The following SLMAP variants were observed in gnomAD, a reference collection of about 807,000 sequenced individuals.
SLMAP encodes sarcolemmal membrane-associated protein.
A neutral mutation model predicts 128.8 loss-of-function variants in SLMAP; 44 were observed. The ratio of observed to expected loss-of-function variants is 0.34; its 90% CI spans 0.27 to 0.44. The LOEUF (loss-of-function observed/expected upper bound fraction) is 0.44, where lower values mean the gene tolerates loss of function less well. Among genes scored for constraint, SLMAP ranks in the 20% least tolerant of loss-of-function variants. The probability of loss-of-function intolerance (pLI) is 1.00; values close to 1 mark genes in which losing one functional copy is unlikely to be tolerated. For missense variants in SLMAP, 787 were observed against 985.3 expected, an observed-to-expected ratio of 0.80 and a Z score of 2.69; for synonymous variants, 327 against 348.8, an observed-to-expected ratio of 0.94 and a Z score of 0.70.
chr3:57,913,677 C>G (rs910404733), intron 21 of SLMAP, among the ~76,000 whole-genome samples: 1 of 152,170 alleles, frequency 6.6e-6, no homozygotes, highest in African/African-American at 2.4e-5. Flanking sequence ...ATTTGTAAGG[C>G]TGGGCGTGGT....
chr3:57,843,202 TAGTA>T (rs150202009), intron 4 of SLMAP, among the ~76,000 whole-genome samples: 2,749 of 152,164 alleles, frequency 0.018, 74 homozygotes, highest in African/African-American at 0.063. Context: ...CTTCAGAAGA[TAGTA>T]AGTACTCAAC....
intron 17 of SLMAP, among the ~76,000 whole-genome samples, chr3:57,906,332 T>TTTTTTTTTTTC: frequency 7.3e-6 from 1 of 137,032 alleles, no homozygotes; most frequent in Admixed American, 8.0e-5. Context: ...TTTTTTTTTT[T>TTTTTTTTTTTC]AGAGACACAG....
intron 2 of SLMAP, among the ~76,000 whole-genome samples, chr3:57,761,022 C>T (rs1374863176): frequency 2.0e-5 from 3 of 150,874 alleles, no homozygotes; most frequent in Non-Finnish European, 3.0e-5. Context: ...CCACCGCGCC[C>T]GGCCAGGTTT....
chr3:57,892,135 T>C (rs549642712), intron 15 of SLMAP, among the ~76,000 whole-genome samples: 40 of 152,338 alleles, frequency 2.6e-4, no homozygotes, highest in African/African-American at 9.4e-4. Context: ...GGCAAAGATA[T>C]GCTAATCCTT....
chr3:57,839,527 G>A lies in SLMAP; in HGVS notation c.347-1772G>A, dbSNP rs959796392. The stretch of plus-strand genomic sequence containing the variant: ...ATGGTCTCGGCTCACTGCAACTTTC[G>A]CCTCCCAGGTTCAAGCAGTTCTGCT... On this transcript the variant is annotated intron_variant, in intron 3 of 24. Transcript: ENST00000671191. 2.6e-4 allele frequency among the ~76,000 whole-genome samples: 36 copies of A among 139,030 alleles called. 1 individual carries two copies. Among genetic ancestry groups the A allele is most frequent in the South Asian group, 1.8e-3 (8 of 4,436 alleles). The allele number at this position is 139,030 out of a possible 152,430, so 91.2% of individuals were successfully genotyped here. A position where few individuals can be genotyped will look rare whatever the true frequency, so the allele number is the denominator to read the frequency against.
At chr3:57,881,458 T>A (rs1269199473) in intron 14 of SLMAP, among the ~76,000 whole-genome samples, 2 of 152,154 alleles carry the variant, frequency 1.3e-5, no homozygotes. Context: ...CTAGATTTTT[T>A]ATTTATTATT....
At chr3:57,766,549 T>G (rs1158498807) in intron 2 of SLMAP, among the ~76,000 whole-genome samples, 1 of 152,250 alleles carries the variant, frequency 6.6e-6, no homozygotes, top group Non-Finnish European at 1.5e-5. Flanking sequence ...AGGTACATGC[T>G]TCTCTTACTG....
chr3:57,859,246 G>T (rs533893142), intron 8 of SLMAP, among the ~76,000 whole-genome samples: 3 of 151,184 alleles, frequency 2.0e-5, no homozygotes, highest in African/African-American at 4.9e-5. Context: ...GCTTAAACCC[G>T]GTGGGGGTGG....
intron 13 of SLMAP, among the ~76,000 whole-genome samples, chr3:57,867,240 A>T (rs940619777): frequency 6.6e-6 from 1 of 152,152 alleles, no homozygotes; most frequent in Admixed American, 6.5e-5. Context: ...TATATTAATA[A>T]TGTTAGTATT....
At chr3:57,816,632 G>T (rs79637843) in intron 2 of SLMAP, among the ~76,000 whole-genome samples, 1 of 152,080 alleles carries the variant, frequency 6.6e-6, no homozygotes, top group Non-Finnish European at 1.5e-5. Flanking sequence ...TACTGACAGG[G>T]AATGAAACAT....
intron 17 of SLMAP, among the ~76,000 whole-genome samples, chr3:57,906,616 C>A (rs1173683035): frequency 7.0e-5 from 10 of 143,760 alleles, no homozygotes; most frequent in African/African-American, 2.6e-4. Context: ...CGCGCCTAGG[C>A]CAGAATACAA....
chr3:57,771,362 A>G lies in SLMAP; in HGVS notation c.198+13513A>G, dbSNP rs116051691. Among the ~76,000 whole-genome samples the G allele has an allele frequency of 1.7e-3, 263 of 152,170 alleles. 1 individual carries two copies. Among genetic ancestry groups the G allele is most frequent in the African/African-American group, 6.1e-3 (252 of 41,524 alleles). ...CCCCCGTCCTCAGCCTCCCGAGTAT[A>G]TGGGACCACAGGTGTATGCCACCAT... is the stretch of plus-strand genomic sequence containing the variant. On this transcript the variant is annotated intron_variant, in intron 2 of 24. Coordinates refer to ENST00000671191, the MANE Select transcript of SLMAP (RefSeq NM_001377540.1).
At chr3:57,769,959 C>T (rs1418325842) in intron 2 of SLMAP, among the ~76,000 whole-genome samples, 4 of 152,192 alleles carry the variant, frequency 2.6e-5, no homozygotes, top group Non-Finnish European at 5.9e-5. Flanking sequence ...TCTCGATCTG[C>T]ACCTCAATCA....
intron 14 of SLMAP, among the ~76,000 whole-genome samples, chr3:57,875,036 T>G (rs1274399360): frequency 6.6e-6 from 1 of 152,026 alleles, no homozygotes; most frequent in Non-Finnish European, 1.5e-5. Flanking sequence ...ATGGACCAAA[T>G]AAACATGCAG....
At chr3:57,887,789 A>T (rs542201245) in intron 14 of SLMAP, among the ~76,000 whole-genome samples, 3 of 152,198 alleles carry the variant, frequency 2.0e-5, no homozygotes, top group Non-Finnish European at 4.4e-5. Context: ...TGGGATGTGC[A>T]GTCCTCCCTG....
At chr3:57,810,808 T>G (rs775770422) in intron 2 of SLMAP, among the ~76,000 whole-genome samples, 2 of 152,216 alleles carry the variant, frequency 1.3e-5, no homozygotes, top group Non-Finnish European at 2.9e-5. Context: ...ACATATCACT[T>G]TCTCTTGGTT....
intron 2 of SLMAP, among the ~76,000 whole-genome samples, chr3:57,763,045 T>C (rs2079004630): frequency 1.3e-5 from 2 of 152,098 alleles, no homozygotes; most frequent in African/African-American, 4.8e-5. Flanking sequence ...TTAATTCCTC[T>C]GTTGATTCAA....
At chr3:57,771,999 T>C (rs1055020195) in intron 2 of SLMAP, among the ~76,000 whole-genome samples, 2 of 152,196 alleles carry the variant, frequency 1.3e-5, no homozygotes. Context: ...CCTATAATGC[T>C]CTTATCAGGC....
At chr3:57,878,922 G>A (rs6791589) in intron 14 of SLMAP, among the ~76,000 whole-genome samples, 133,820 of 152,254 alleles carry the variant, frequency 0.88, 59,164 homozygotes, top group East Asian at 1. Flanking sequence ...CTTCCAATCA[G>A]TTTGTTTCAG....
Sources: allele counts gnomAD v4.1 joint callset (sites outside exome capture counted in the v4.1 genomes callset), GRCh38; gene constraint gnomAD v4.1.1; transcripts MANE v1.5; gene names NCBI Gene and HGNC (gene_info 2026-07-23, HGNC 2026-07-21).